LBX2: variants seen among roughly 807,000 people sequenced by gnomAD.
LBX2 encodes the protein transcription factor LBX2.
LBX2 carries 6 observed loss-of-function variants against 7.5 expected under a neutral mutation model. The observed-to-expected ratio is 0.80, with a 90% confidence interval of 0.44 to 1.59. The LOEUF is 1.59. LBX2 is among the 40% of genes most tolerant of loss of function. LBX2 has a pLI of 0.01. For synonymous variants in LBX2, 143 were observed against 133.2 expected (o/e 1.07, Z -0.51); for missense variants, 281 against 282.0 (o/e 1.00, Z 0.03).
chr2:74,502,304 C>A (rs1674500067), upstream of LBX2: 1 of 266,648 alleles, frequency 3.8e-6, no homozygotes, highest in South Asian at 6.8e-5. The surrounding 1 kb of genome is among the most constrained non-coding windows in gnomAD (Gnocchi z 5.4). Flanking sequence ...GCCGCCCCCG[C>A]TCGACCCCGT....
At position 74,499,177 on chromosome 2, in the gene LBX2, G is replaced by A; in HGVS notation, c.205+156C>T. On this transcript the variant is annotated intron_variant, in intron 1 of 1. Coordinates refer to ENST00000377566, the MANE Select transcript of LBX2 (RefSeq NM_001282430.2). The surrounding 1 kb of genome is among the most constrained non-coding windows in gnomAD (Gnocchi z 4.6). ...ACCTAGGGACTAACGGAGGAGAGGT[G>A]AGAAGTCGCAGGTGCGAGTCCTGGC... 1.5e-6 allele frequency: 1 copy of A among 676,494 alleles called. No homozygotes were observed. Among genetic ancestry groups the A allele is most frequent in the East Asian group, 2.7e-5 (1 of 36,652 alleles). 41.9% of individuals were successfully genotyped at this position (676,494 alleles called of 1,614,324 possible). A position where few individuals can be genotyped will look rare whatever the true frequency, so the allele number is the denominator to read the frequency against.
At chr2:74,502,598 T>A, upstream of LBX2, 2 of 1,509,874 alleles carry the variant, frequency 1.3e-6, no homozygotes, top group Non-Finnish European at 9.2e-7. The surrounding 1 kb of genome is among the most constrained non-coding windows in gnomAD (Gnocchi z 5.4). Context: ...CGCACACTTC[T>A]GGGATTGTTT....
chr2:74,497,991 A>C lies in LBX2; in HGVS notation c.533T>G (p.Leu178Arg). ...CCGGGAGTCAGGGCCGGCAGGGCCGAGGCAGAGGCCGGGATCTGGAGCGCC... is the reference window on the plus strand; with the variant it reads ...CCGGGAGTCAGGGCCGGCAGGGCCGCGGCAGAGGCCGGGATCTGGAGCGCC... ...PEGAPDPGLC[L>R]GPAGPDSRPH... The change falls in exon 2 of 2, where the codon CTC becomes CGC. Residue 178 changes from leucine to arginine, a missense_variant. Around this residue, in one of 3 missense-constraint regions of LBX2, gnomAD observed 59 missense variants for 52.9 expected, o/e 1.11. Coordinates refer to ENST00000377566, the MANE Select transcript of LBX2 (RefSeq NM_001282430.2). 6.2e-7 allele frequency: 1 copy of C among 1,607,712 alleles called. No homozygotes were observed. The highest frequency in any genetic ancestry group is 8.5e-7 in the Non-Finnish European group (1 of 1,175,386).
Position 74,498,132 on chromosome 2 carries a change from G to C in LBX2, c.392C>G (p.Thr131Ser). ...RLGLANAQVV[T>S]WFQNRRAKLK... ...CTTGGCTCGCCGGTTCTGGAACCAAGTGACCACCTGCGCGTTGGCCAGGCC... is the reference window on the plus strand; with the variant it reads ...CTTGGCTCGCCGGTTCTGGAACCAACTGACCACCTGCGCGTTGGCCAGGCC... Residue 131 changes from threonine to serine, a missense_variant, in exon 2 of 2, where the codon ACT (threonine) becomes AGT (serine). Around this residue, in one of 3 missense-constraint regions of LBX2, gnomAD observed 216 missense variants for 208.7 expected, o/e 1.03. Transcript: ENST00000377566. 6.2e-7 allele frequency: 1 copy of C among 1,612,036 alleles called. No individual in the cohort carries two copies. The highest frequency in any genetic ancestry group is 8.5e-7 in the Non-Finnish European group (1 of 1,178,838).
Position 74,498,243 on chromosome 2 carries a change from G to T in LBX2, c.281C>A (p.Ala94Glu). Residue 94 changes from alanine to glutamate, a missense_variant, in exon 2 of 2, where the codon GCG (alanine) becomes GAG (glutamate). Physicochemically the swap from Ala to Glu is moderately radical, Grantham distance 107. Around this residue, in one of 3 missense-constraint regions of LBX2, gnomAD observed 216 missense variants for 208.7 expected, o/e 1.03. Transcript: ENST00000377566. The stretch of plus-strand genomic sequence containing the variant: ...CCGCTCCAGCTCCAGCACCTGTTGC[G>T]CGGTGAACGCAGTGCGTGACTTGCG... ...KRRKSRTAFT[A>E]QQVLELERRF... 6 of 1,604,078 alleles carry T rather than the reference G, an allele frequency of 3.7e-6. No homozygotes were observed. Among genetic ancestry groups the T allele is most frequent in the Non-Finnish European group, 5.1e-6 (6 of 1,178,094 alleles).
chr2:74,498,652 G>T (rs1314797246), intron 1 of LBX2: 4 of 359,812 alleles, frequency 1.1e-5, no homozygotes, highest in Non-Finnish European at 2.0e-5. Context: ...CTCAGGCTGA[G>T]CAGGCTATAA....
At chr2:74,503,126 CCGCGTCCGGG>C, upstream of LBX2, 1 of 430,060 alleles carries the variant, frequency 2.3e-6, no homozygotes, top group African/African-American at 2.1e-5. This position sits in a 1 kb window ranked among gnomAD's most constrained non-coding sequence, Gnocchi z 5.1. Context: ...GAGCGCCGCG[CCGCGTCCGGG>C]CGCGTTCTCA....
chr2:74,503,198 G>C, upstream of LBX2: 1 of 263,494 alleles, frequency 3.8e-6, no homozygotes, highest in South Asian at 7.8e-5. The surrounding 1 kb of genome is among the most constrained non-coding windows in gnomAD (Gnocchi z 5.1). Flanking sequence ...CCCTGGCACA[G>C]ACGGAGACCC....
chr2:74,502,909 T>C, upstream of LBX2: 1 of 1,506,144 alleles, frequency 6.6e-7, no homozygotes, highest in Non-Finnish European at 9.0e-7. This position sits in a 1 kb window ranked among gnomAD's most constrained non-coding sequence, Gnocchi z 5.4. Context: ...CGTCCTCCTC[T>C]GTGCCAAAGG....
In LBX2 at chr2:74,498,264, T is replaced by C. The variant is rs767642011; in HGVS notation, c.260A>G (p.Lys87Arg). 34 of 1,589,372 alleles carry C rather than the reference T, an allele frequency of 2.1e-5. No homozygotes were observed. Among genetic ancestry groups the C allele is most frequent in the Non-Finnish European group, 2.6e-5 (31 of 1,171,486 alleles). ...GPGPFGRKRR[K>R]SRTAFTAQQV... is the part of the protein sequence containing the mutation. ...TTGCGCGGTGAACGCAGTGCGTGAC[T>C]TGCGCCGTTTGCGGCCGAAGGGACC... is the stretch of plus-strand genomic sequence containing the variant. The change falls in exon 2 of 2, where the codon AAG (lysine) becomes AGG (arginine). Residue 87 changes from lysine (K) to arginine (R), a missense_variant. Coordinates refer to ENST00000377566, the MANE Select transcript of LBX2 (RefSeq NM_001282430.2).
At chr2:74,499,632 T>G (rs1487765412), upstream of LBX2, 1 of 1,342,600 alleles carries the variant, frequency 7.4e-7, no homozygotes, top group East Asian at 2.5e-5. This position sits in a 1 kb window ranked among gnomAD's most constrained non-coding sequence, Gnocchi z 4.6. Context: ...GCCCCCAGCC[T>G]CGGACCCGCC....
chr2:74,500,943 C>T (rs1674472442), upstream of LBX2, among the ~76,000 whole-genome samples: 2 of 152,220 alleles, frequency 1.3e-5, no homozygotes, highest in African/African-American at 4.8e-5. Context: ...TAGACCCCTG[C>T]ATCTCCCACC....
rs890559116 is a variant in LBX2 at position 74,497,663 on chromosome 2, CAGG to C, written c.*261_*263del. 1.5e-5 allele frequency: 6 copies of C among 387,830 alleles called. No individual in the cohort carries two copies. Among genetic ancestry groups the C allele is most frequent in the African/African-American group, 1.2e-4 (6 of 48,310 alleles). The allele number at this position is 387,830 out of a possible 1,614,324, so 24.0% of individuals were successfully genotyped here. A position where few individuals can be genotyped will look rare whatever the true frequency, so the allele number is the denominator to read the frequency against. On this transcript the variant is annotated 3_prime_UTR_variant, in exon 2 of 2. Transcript: ENST00000377566. Reference sequence around the variant, plus strand: ...ATGCCAGCTAGTCGGGAGGTTGAGGCAGGAGGATCGCTTGAGCCCAGGAGGTCG... The same window carrying C: ...ATGCCAGCTAGTCGGGAGGTTGAGGCAGGATCGCTTGAGCCCAGGAGGTCG...
At chr2:74,500,502 A>G (rs1167001742), upstream of LBX2, among the ~76,000 whole-genome samples, 2 of 152,202 alleles carry the variant, frequency 1.3e-5, no homozygotes, top group South Asian at 4.1e-4. Context: ...CCCATAGAAG[A>G]GAGACTTGAA....
In LBX2 at chr2:74,497,848, C is replaced by T. The variant is rs1024035658; in HGVS notation, c.*79G>A. ...GCCCAAGTGGACCTCCTTCCTCCAC[C>T]CTGGAACTCTGGCCAGAGGCAGAGC... On this transcript the variant is annotated 3_prime_UTR_variant, in exon 2 of 2. Coordinates refer to ENST00000377566, the MANE Select transcript of LBX2 (RefSeq NM_001282430.2). The T allele has an allele frequency of 7.0e-7, 1 of 1,428,174 alleles. No homozygotes were observed. The highest frequency in any genetic ancestry group is 9.3e-7 in the Non-Finnish European group (1 of 1,079,026). 88.5% of individuals were successfully genotyped at this position (1,428,174 alleles called of 1,614,324 possible). A position where few individuals can be genotyped will look rare whatever the true frequency, so the allele number is the denominator to read the frequency against.
chr2:74,500,750 A>G (rs76356865), upstream of LBX2, among the ~76,000 whole-genome samples: 2,053 of 152,262 alleles, frequency 0.013, 52 homozygotes, highest in African/African-American at 0.047. Context: ...TTTTGTTCCT[A>G]CATTCCACCC....
upstream of LBX2, chr2:74,503,173 G>A: frequency 3.0e-6 from 1 of 332,708 alleles, no homozygotes; most frequent in Non-Finnish European, 5.5e-6. This position sits in a 1 kb window ranked among gnomAD's most constrained non-coding sequence, Gnocchi z 5.1. Context: ...GAGGACCCTG[G>A]GCGTGATTCT....
At chr2:74,499,827 G>A (rs2104303710), upstream of LBX2, 3 of 517,298 alleles carry the variant, frequency 5.8e-6, no homozygotes, top group East Asian at 1.0e-4. This position sits in a 1 kb window ranked among gnomAD's most constrained non-coding sequence, Gnocchi z 4.6. Context: ...GCTCCGCGCT[G>A]CGGGGCGCTG....
Position 74,499,040 on chromosome 2 carries a change from C to T in LBX2, c.205+293G>A. On this transcript the variant is annotated intron_variant, in intron 1 of 1. Coordinates refer to ENST00000377566, the MANE Select transcript of LBX2 (RefSeq NM_001282430.2). This position sits in a 1 kb window ranked among gnomAD's most constrained non-coding sequence, Gnocchi z 4.6. ...AAGCCTTTTGTCTCTTTCTCTCCTG[C>T]CTTTCTCTATCGCGATTGCCCCGCC... is the stretch of plus-strand genomic sequence containing the variant. The T allele has an allele frequency of 2.0e-6, 1 of 495,662 alleles. No homozygotes were observed. Among genetic ancestry groups the T allele is most frequent in the Non-Finnish European group, 3.6e-6 (1 of 278,106 alleles). 30.7% of individuals were successfully genotyped at this position (495,662 alleles called of 1,614,324 possible).
Sources: gnomAD v4.1 joint callset for allele counts (sites outside exome capture counted in the v4.1 genomes callset) on GRCh38, gnomAD v4.1.1 for gene constraint, gnomAD v4.1.1 regional missense constraint, Gnocchi (gnomAD v3.1) non-coding constraint, MANE v1.5 for transcripts, NCBI Gene and HGNC (gene_info 2026-07-23, HGNC 2026-07-21) for gene names.